CNTNAP2: variants seen among roughly 807,000 people sequenced by gnomAD.
The protein encoded by CNTNAP2 is contactin associated protein 2, also known as contactin-associated protein-like 2.
In CNTNAP2, 98 loss-of-function variants were observed where a neutral mutation model predicts 155.2. That is an observed-to-expected ratio of 0.63 (90% confidence interval 0.54 to 0.75). The LOEUF (loss-of-function observed/expected upper bound fraction) is 0.75, where lower values mean the gene tolerates loss of function less well. CNTNAP2 is among the 30% of genes least tolerant of loss of function. The pLI is 0.00. For missense variants in CNTNAP2, 1,727 were observed against 1,688.1 expected, an observed-to-expected ratio of 1.02 and a Z score of -0.40; for synonymous variants, 651 against 631.2, an observed-to-expected ratio of 1.03 and a Z score of -0.47.
At chr7:146,256,609 T>C (rs1422775863) in intron 1 of CNTNAP2, among the ~76,000 whole-genome samples, 1 of 151,710 alleles carries the variant, frequency 6.6e-6, no homozygotes, top group African/African-American at 2.4e-5. Context: ...TAACTATATG[T>C]TAGTATCAAT....
chr7:146,187,199 AC>A (rs1417710415), intron 1 of CNTNAP2, among the ~76,000 whole-genome samples: 3 of 152,172 alleles, frequency 2.0e-5, no homozygotes, highest in African/African-American at 7.2e-5. Context: ...ATATCATCCC[AC>A]CCAACTCTGG....
intron 1 of CNTNAP2, among the ~76,000 whole-genome samples, chr7:146,390,350 G>A (rs1382888529): frequency 1.3e-5 from 2 of 151,832 alleles, no homozygotes; most frequent in Admixed American, 6.6e-5. Flanking sequence ...ATCAAACTTA[G>A]TATCACCACT....
At chr7:146,260,530 C>G (rs1235412946) in intron 1 of CNTNAP2, among the ~76,000 whole-genome samples, 2 of 152,222 alleles carry the variant, frequency 1.3e-5, no homozygotes, top group African/African-American at 4.8e-5. Context: ...CTCCTTGCAT[C>G]AGCATGCTCT....
At chr7:146,707,127 C>A (rs940748653) in intron 1 of CNTNAP2, among the ~76,000 whole-genome samples, 2 of 152,174 alleles carry the variant, frequency 1.3e-5, no homozygotes, top group Non-Finnish European at 2.9e-5. Flanking sequence ...AGAGGCAACA[C>A]TTTTCATGAC....
At chr7:146,830,989 T>C (rs1050410299) in intron 2 of CNTNAP2, among the ~76,000 whole-genome samples, 1 of 152,238 alleles carries the variant, frequency 6.6e-6, no homozygotes, top group African/African-American at 2.4e-5. Flanking sequence ...ATTTTACTAG[T>C]TTACATTTGC....
chr7:146,923,458 G>T (rs909348811), intron 3 of CNTNAP2, among the ~76,000 whole-genome samples: 2 of 152,074 alleles, frequency 1.3e-5, no homozygotes, highest in African/African-American at 4.8e-5. Flanking sequence ...TATTCTCATT[G>T]CTTGGCACAG....
At chr7:146,299,583 G>A (rs1316935925) in intron 1 of CNTNAP2, among the ~76,000 whole-genome samples, 1 of 151,686 alleles carries the variant, frequency 6.6e-6, no homozygotes, top group Non-Finnish European at 1.5e-5. Context: ...ATTTTATTTT[G>A]TAGATACAGG....
At chr7:147,099,905 T>C (rs567694317) in intron 4 of CNTNAP2, among the ~76,000 whole-genome samples, 1 of 152,336 alleles carries the variant, frequency 6.6e-6, no homozygotes, top group East Asian at 1.9e-4. Flanking sequence ...GTCTAATTTA[T>C]TTGACTTTTT....
chr7:146,713,150 AGG>A (rs2129175688), intron 1 of CNTNAP2, among the ~76,000 whole-genome samples: 1 of 152,292 alleles, frequency 6.6e-6, no homozygotes, highest in South Asian at 2.1e-4. Context: ...ATATAAAAGC[AGG>A]CATACTCAAA....
At chr7:146,182,105 TA>T (rs1798557885) in intron 1 of CNTNAP2, among the ~76,000 whole-genome samples, 1 of 152,036 alleles carries the variant, frequency 6.6e-6, no homozygotes, top group African/African-American at 2.4e-5. Context: ...ATACTTTATT[TA>T]ATAAAAAAGA....
At chr7:147,063,694 A>G (rs1044045094) in intron 4 of CNTNAP2, among the ~76,000 whole-genome samples, 6 of 152,148 alleles carry the variant, frequency 3.9e-5, no homozygotes, top group African/African-American at 1.2e-4. Flanking sequence ...AATGACTTAA[A>G]AACAGTTATA....
At chr7:148,354,353 T>C (rs1276595910) in intron 21 of CNTNAP2, among the ~76,000 whole-genome samples, 1 of 152,208 alleles carries the variant, frequency 6.6e-6, no homozygotes, top group Admixed American at 6.5e-5. Context: ...TTGAACTGTT[T>C]CCTTAGAAAA....
intron 12 of CNTNAP2, among the ~76,000 whole-genome samples, chr7:147,603,552 C>T (rs1801000034): frequency 6.6e-6 from 1 of 152,160 alleles, no homozygotes; most frequent in South Asian, 2.1e-4. Flanking sequence ...CTACAAACCA[C>T]TGCTCAATGA....
intron 1 of CNTNAP2, among the ~76,000 whole-genome samples, chr7:146,331,132 G>A (rs1190360049): frequency 2.6e-5 from 4 of 151,652 alleles, no homozygotes; most frequent in Non-Finnish European, 4.4e-5. Flanking sequence ...GTGAAACCCC[G>A]TCTCTACTAA....
At chr7:147,970,540 A>G (rs558132689) in intron 14 of CNTNAP2, among the ~76,000 whole-genome samples, 3 of 152,278 alleles carry the variant, frequency 2.0e-5, no homozygotes, top group South Asian at 2.1e-4. Context: ...CCTGGCCAAC[A>G]TGGTGAAACC....
At chr7:146,510,883 G>T (rs1797455116) in intron 1 of CNTNAP2, among the ~76,000 whole-genome samples, 3 of 151,796 alleles carry the variant, frequency 2.0e-5, no homozygotes, top group African/African-American at 7.3e-5. Flanking sequence ...GTTTTGGGGT[G>T]GTCTTTAGGT....
chr7:147,586,232 A>G (rs1428222890), intron 12 of CNTNAP2, among the ~76,000 whole-genome samples: 1 of 152,124 alleles, frequency 6.6e-6, no homozygotes. Flanking sequence ...CCTCCAGGTA[A>G]CAGGCTTCAG....
chr7:147,229,833 A>G (rs1157225375), intron 8 of CNTNAP2, among the ~76,000 whole-genome samples: 1 of 152,248 alleles, frequency 6.6e-6, no homozygotes, highest in East Asian at 1.9e-4. Flanking sequence ...AATAAATGCT[A>G]TTCAGATTTG....
chr7:147,012,210 T>C (rs929985572), intron 3 of CNTNAP2, among the ~76,000 whole-genome samples: 9 of 152,132 alleles, frequency 5.9e-5, no homozygotes, highest in Admixed American at 5.9e-4. Flanking sequence ...GGTGCCATAA[T>C]TGGGGAACTC....
Sources: allele counts gnomAD v4.1 joint callset (sites outside exome capture counted in the v4.1 genomes callset), GRCh38; gene constraint gnomAD v4.1.1; transcripts MANE v1.5; gene names NCBI Gene and HGNC (gene_info 2026-07-23, HGNC 2026-07-21).